Variants in MIGA1 observed in about 807,000 individuals in gnomAD.
MIGA1 encodes the protein family with sequence similarity 73, member A.
Under a neutral mutation model 82.0 loss-of-function variants are expected in MIGA1, and 58 were observed. The observed-to-expected ratio is 0.71, with a 90% CI of 0.57 to 0.88. MIGA1 has a LOEUF of 0.88. Among genes scored for constraint, MIGA1 ranks in the 40% least tolerant of loss-of-function variants. MIGA1 has a pLI of 0.00. For missense variants in MIGA1, 751 were observed against 749.1 expected (o/e 1.00, Z -0.03); for synonymous variants, 249 against 253.6 (o/e 0.98, Z 0.17).
Position 77,832,113 on chromosome 1 carries a change from T to C in MIGA1, c.896-11194T>C, listed in dbSNP as rs1570972697. On this transcript the variant is annotated intron_variant, in intron 7 of 15. Coordinates refer to ENST00000370791, the MANE Select transcript of MIGA1 (RefSeq NM_198549.4). Reference sequence around the variant, plus strand: ...AACACTGAAGCCTGTGTGATAAATGTTATTTTTGTGGCTGAAACAGAGGAC... The same window carrying C: ...AACACTGAAGCCTGTGTGATAAATGCTATTTTTGTGGCTGAAACAGAGGAC... 3.3e-5 allele frequency among the ~76,000 whole-genome samples: 5 copies of C among 152,330 alleles called. No homozygotes were observed. In the East Asian group the frequency reaches 9.6e-4, roughly 29 times the overall value.
chr1:77,847,050 A>G (rs1480613408), intron 8 of MIGA1: 7 of 734,318 alleles, frequency 9.5e-6, no homozygotes, highest in Non-Finnish European at 1.0e-5. Context: ...ACACTTATTT[A>G]TAGCAATCCA....
intron 12 of MIGA1, among the ~76,000 whole-genome samples, chr1:77,863,334 CCT>C (rs558644720): frequency 5.9e-5 from 9 of 152,190 alleles, no homozygotes; most frequent in Admixed American, 6.5e-5. Flanking sequence ...CATTCTTTCC[CCT>C]GTTTCATTCT....
At chr1:77,816,600 G>A (rs1054239226) in intron 7 of MIGA1, among the ~76,000 whole-genome samples, 4 of 151,994 alleles carry the variant, frequency 2.6e-5, no homozygotes, top group African/African-American at 9.7e-5. Context: ...TACTATTATT[G>A]TCACCAAACA....
At chr1:77,858,914 T>A in intron 8 of MIGA1, 24 bp from the exon 9 acceptor site, 1 of 1,389,480 alleles carries the variant, frequency 7.2e-7, no homozygotes, top group Non-Finnish European at 1.0e-6. Context: ...GCCTGTATTC[T>A]GTTCTAACCC....
In MIGA1 at chr1:77,803,255, A is replaced by T; in HGVS notation, c.374-15A>T. On this transcript the variant is annotated splice_polypyrimidine_tract_variant and intron_variant, in intron 3 of 15. Coordinates refer to ENST00000370791, the MANE Select transcript of MIGA1 (RefSeq NM_198549.4). The stretch of plus-strand genomic sequence containing the variant: ...CGTTATTGATATTTTTAATATTAGT[A>T]TGTTTATTTGATAGGTTCAAGTTGT... 7.1e-7 allele frequency: 1 copy of T among 1,414,892 alleles called. No individual in the cohort carries two copies. Among genetic ancestry groups the T allele is most frequent in the Non-Finnish European group, 9.4e-7 (1 of 1,069,024 alleles). 87.6% of individuals were successfully genotyped at this position (1,414,892 alleles called of 1,614,324 possible).
chr1:77,808,857 T>A (rs929852670), intron 5 of MIGA1, among the ~76,000 whole-genome samples: 2 of 152,210 alleles, frequency 1.3e-5, no homozygotes, highest in South Asian at 4.1e-4. Context: ...CAGTGGGTAT[T>A]CCTATGGGGA....
chr1:77,845,015 T>A (rs1684784252), intron 8 of MIGA1, among the ~76,000 whole-genome samples: 1 of 152,160 alleles, frequency 6.6e-6, no homozygotes, highest in East Asian at 1.9e-4. Context: ...ATTACACATC[T>A]ATAACTGATG....
In MIGA1 at chr1:77,801,522, G is replaced by C. The variant is rs374487616; in HGVS notation, c.373+14G>C. 1.6e-5 allele frequency: 26 copies of C among 1,580,292 alleles called. No homozygotes were observed. In the African/African-American group the frequency reaches 2.9e-4, roughly 18 times the overall value. ...CATCAGACAAAGGTATGTGGAAATA[G>C]TTGAAGTAAGTGTACAAAAGTGTGT... On this transcript the variant is annotated intron_variant, in intron 3 of 15. Transcript: ENST00000370791.
At chr1:77,819,913 A>G (rs1259351701) in intron 7 of MIGA1, among the ~76,000 whole-genome samples, 1 of 152,038 alleles carries the variant, frequency 6.6e-6, no homozygotes, top group African/African-American at 2.4e-5. Flanking sequence ...ACCATGCTGT[A>G]TTGACTTACC....
chr1:77,785,571 G>T (rs907143828), intron 2 of MIGA1, among the ~76,000 whole-genome samples: 30 of 152,172 alleles, frequency 2.0e-4, no homozygotes, highest in African/African-American at 7.2e-4. Context: ...TTGAACTGCT[G>T]ACCTCAGGTG....
rs1442454263 is a variant in MIGA1, at chr1:77,876,375, A to G, written c.*1311A>G. On this transcript the variant is annotated 3_prime_UTR_variant, in exon 16 of 16. Transcript: ENST00000370791. ...ACATTGAGAAATTTACAATTTACAA[A>G]TTTATATTAACTGTAGTTTCCAAAA... is the stretch of plus-strand genomic sequence containing the variant. 6.6e-6 allele frequency: 1 copy of G among 152,222 alleles called. No homozygotes were observed. The highest frequency in any genetic ancestry group is 2.4e-5 in the African/African-American group (1 of 41,462). The allele number at this position is 152,222 out of a possible 1,614,324, so 9.4% of individuals were successfully genotyped here.
chr1:77,812,654 C>A (rs565445691), intron 5 of MIGA1, among the ~76,000 whole-genome samples: 2 of 152,192 alleles, frequency 1.3e-5, no homozygotes, highest in East Asian at 3.9e-4. Flanking sequence ...CTTAAAAATA[C>A]TTTAAAAGTT....
rs1196746685 is a variant in MIGA1 at position 77,874,814 on chromosome 1, C to A, written c.1681-32C>A. 2.0e-6 allele frequency: 3 copies of A among 1,529,548 alleles called. No individual in the cohort carries two copies. In the African/African-American group the frequency reaches 4.1e-5, roughly 21 times the overall value. The allele number at this position is 1,529,548 out of a possible 1,614,324, so 94.7% of individuals were successfully genotyped here. ...TTTCTCAATGTAACTTAATTTTGGT[C>A]TAATAAATGCCAATTTATGTTCATT... is the stretch of plus-strand genomic sequence containing the variant. On this transcript the variant is annotated intron_variant, in intron 15 of 15. Transcript: ENST00000370791.
chr1:77,848,144 C>T, intron 8 of MIGA1: 3 of 1,379,008 alleles, frequency 2.2e-6, no homozygotes, highest in Middle Eastern at 1.8e-4. Flanking sequence ...ACCGTGATTA[C>T]CAGAAAGAAA....
In MIGA1 at chr1:77,847,506, A is replaced by G. The variant is rs971156114; in HGVS notation, c.996+4099A>G. 2.8e-6 allele frequency: 4 copies of G among 1,439,126 alleles called. No individual in the cohort carries two copies. The African/African-American group carries it at 5.6e-5, about 20-fold the overall frequency. 89.1% of individuals were successfully genotyped at this position (1,439,126 alleles called of 1,614,324 possible). ...AATACAGAGAGAACGAGAAATGGAA[A>G]AGGAAATACAGAGAGAAAGAGAAAT... On this transcript the variant is annotated intron_variant, in intron 8 of 15. Coordinates refer to ENST00000370791, the MANE Select transcript of MIGA1 (RefSeq NM_198549.4).
chr1:77,855,456 C>A (rs1323698612), intron 8 of MIGA1, among the ~76,000 whole-genome samples: 1 of 152,052 alleles, frequency 6.6e-6, no homozygotes, highest in Non-Finnish European at 1.5e-5. Context: ...ATGGGGATTG[C>A]ATTGAATTTG....
chr1:77,820,559 C>G (rs566418966), intron 7 of MIGA1, among the ~76,000 whole-genome samples: 9 of 152,110 alleles, frequency 5.9e-5, no homozygotes, highest in African/African-American at 2.2e-4. Context: ...TGGAACTTCT[C>G]TAGGACACTC....
chr1:77,811,134 T>C, intron 5 of MIGA1: 1 of 1,556,912 alleles, frequency 6.4e-7, no homozygotes. Flanking sequence ...AATGAACATA[T>C]GTATCTTCTT....
chr1:77,844,762 C>CA (rs1684774109), intron 8 of MIGA1, among the ~76,000 whole-genome samples: 1 of 152,072 alleles, frequency 6.6e-6, no homozygotes, highest in South Asian at 2.1e-4. Flanking sequence ...CCTCCTGAGG[C>CA]CCTGAGGTCA....
Sources: gnomAD v4.1 joint callset for allele counts (sites outside exome capture counted in the v4.1 genomes callset) on GRCh38, gnomAD v4.1.1 for gene constraint, MANE v1.5 for transcripts, NCBI Gene and HGNC (gene_info 2026-07-23, HGNC 2026-07-21) for gene names.